The following AXDND1 variants were observed in gnomAD, a reference collection of about 807,000 sequenced individuals.
The protein encoded by AXDND1 is axonemal dynein light chain domain-containing protein 1.
A neutral mutation model predicts 137.5 loss-of-function variants in AXDND1; 110 were observed. The observed-to-expected ratio is 0.80, with a 90% CI of 0.69 to 0.94. The LOEUF is 0.94. Ranked by LOEUF, AXDND1 falls within the 40% of genes least tolerant of loss-of-function variation. AXDND1 has a pLI of 0.00. For synonymous variants in AXDND1, 414 were observed against 399.7 expected (o/e 1.04, Z -0.43); for missense variants, 1,191 against 1,169.8 (o/e 1.02, Z -0.26).
intron 18 of AXDND1, among the ~76,000 whole-genome samples, chr1:179,488,708 GTC>G (rs774512140): frequency 1.0e-5 from 1 of 95,780 alleles, no homozygotes; most frequent in Admixed American, 1.1e-4. Context: ...TCCTCTCTCT[GTC>G]TCTCTCTCTC....
chr1:179,509,543 A>G, intron 21 of AXDND1, 140 bp downstream of exon 21: 2 of 580,052 alleles, frequency 3.4e-6, no homozygotes, highest in Non-Finnish European at 6.0e-6. Context: ...TCTGATCAAG[A>G]TCTTTCACAG....
chr1:179,419,021 C>T (rs563800201), intron 12 of AXDND1, among the ~76,000 whole-genome samples: 12 of 151,454 alleles, frequency 7.9e-5, no homozygotes, highest in East Asian at 1.9e-4. Context: ...AGACGATGGG[C>T]GGCCGGACAG....
intron 7 of AXDND1, 45 bp from the exon 8 acceptor site, chr1:179,383,397 C>G: frequency 5.0e-6 from 7 of 1,408,224 alleles, no homozygotes; most frequent in Non-Finnish European, 7.0e-6. Flanking sequence ...TGAGAATTCC[C>G]TGTTGCAATG....
intron 25 of AXDND1, chr1:179,544,625 G>A (rs962246792): frequency 7.4e-6 from 1 of 135,190 alleles, no homozygotes. Context: ...AGTGAGCTCA[G>A]ATCGCGCCAC....
At chr1:179,552,401 G>A (rs1673419504) in intron 25 of AXDND1, 1 of 622,364 alleles carries the variant, frequency 1.6e-6, no homozygotes, top group Non-Finnish European at 2.9e-6. Context: ...ACTATTATCA[G>A]TAGCTTCAGA....
intron 3 of AXDND1, among the ~76,000 whole-genome samples, chr1:179,369,510 G>C (rs1481841626): frequency 6.6e-6 from 1 of 152,056 alleles, no homozygotes; most frequent in Admixed American, 6.6e-5. Flanking sequence ...AAATTAGCTG[G>C]GCATAGTGGC....
chr1:179,522,494 CAA>C lies in AXDND1; in HGVS notation c.2497-2839_2497-2838del, dbSNP rs140487735. Among the ~76,000 whole-genome samples the C allele has an allele frequency of 5.6e-3, 850 of 151,962 alleles. 7 individuals are homozygous for C. Among genetic ancestry groups the C allele is most frequent in the African/African-American group, 0.02 (817 of 41,472 alleles). On this transcript the variant is annotated intron_variant, in intron 21 of 25. Coordinates refer to ENST00000367618, the MANE Select transcript of AXDND1 (RefSeq NM_144696.6). ...TAGTATAATAGCAAAATACTAGAAA[CAA>C]TATGAATGTTGATCAGTAGGAGATT...
chr1:179,420,855 A>G (rs889165925), intron 12 of AXDND1, among the ~76,000 whole-genome samples: 3 of 152,012 alleles, frequency 2.0e-5, no homozygotes, highest in African/African-American at 7.2e-5. Flanking sequence ...TCCTGACCTC[A>G]AGTGATCTGC....
At chr1:179,414,720 C>T (rs573001236) in intron 12 of AXDND1, among the ~76,000 whole-genome samples, 345 of 152,212 alleles carry the variant, frequency 2.3e-3, no homozygotes, top group African/African-American at 7.7e-3. Context: ...CCACCGCGCC[C>T]GGCCAAATTA....
At chr1:179,545,308 G>A (rs1336903529) in intron 25 of AXDND1, 1 of 152,170 alleles carries the variant, frequency 6.6e-6, no homozygotes, top group Non-Finnish European at 1.5e-5. Flanking sequence ...TCTAGCCTCA[G>A]AAATCCCAAC....
intron 15 of AXDND1, among the ~76,000 whole-genome samples, chr1:179,440,489 C>G (rs1658832264): frequency 6.6e-6 from 1 of 152,220 alleles, no homozygotes; most frequent in South Asian, 2.1e-4. Flanking sequence ...TCATAGGTTA[C>G]AGCATTCTAC....
At chr1:179,432,772 C>T (rs2125318547) in intron 15 of AXDND1, among the ~76,000 whole-genome samples, 1 of 152,126 alleles carries the variant, frequency 6.6e-6, no homozygotes, top group Non-Finnish European at 1.5e-5. Context: ...GGCACGGTGG[C>T]TCACACCTGT....
At chr1:179,390,653 C>T (rs568846113) in intron 9 of AXDND1, among the ~76,000 whole-genome samples, 17 of 146,454 alleles carry the variant, frequency 1.2e-4, no homozygotes, top group East Asian at 4.1e-4. Flanking sequence ...TTTTGTTTTA[C>T]GTCTAACATA....
chr1:179,418,469 A>G (rs1269497664), intron 12 of AXDND1, among the ~76,000 whole-genome samples: 1 of 152,250 alleles, frequency 6.6e-6, no homozygotes, highest in African/African-American at 2.4e-5. Context: ...CAAAACCGCC[A>G]TTGTCATCAT....
chr1:179,518,447 T>A (rs1163248428), intron 21 of AXDND1, among the ~76,000 whole-genome samples: 1 of 151,502 alleles, frequency 6.6e-6, no homozygotes, highest in East Asian at 1.9e-4. Context: ...AAAGGTAAAC[T>A]TGTGTCATGG....
chr1:179,528,641 C>CTTTTTTT (rs34531104), intron 23 of AXDND1, among the ~76,000 whole-genome samples: 2 of 115,374 alleles, frequency 1.7e-5, no homozygotes, highest in Admixed American at 1.0e-4. Context: ...CTTTAAACCT[C>CTTTTTTT]TTTTTTTTTT....
chr1:179,475,967 A>C (rs1199456922), intron 17 of AXDND1, among the ~76,000 whole-genome samples: 1 of 152,134 alleles, frequency 6.6e-6, no homozygotes, highest in Non-Finnish European at 1.5e-5. Context: ...TTCTTATGCA[A>C]TATGATGGTT....
chr1:179,474,760 T>TA (rs1317698815), intron 17 of AXDND1, among the ~76,000 whole-genome samples: 2 of 152,064 alleles, frequency 1.3e-5, no homozygotes, highest in Non-Finnish European at 2.9e-5. Context: ...GGGGAGGAAA[T>TA]AAAGACAGCT....
At chr1:179,487,128 A>C (rs1012560564) in intron 18 of AXDND1, among the ~76,000 whole-genome samples, 1 of 148,790 alleles carries the variant, frequency 6.7e-6, no homozygotes, top group Non-Finnish European at 1.5e-5. Flanking sequence ...AGAAAAATCT[A>C]CCAAGCAAAT....
Sources: allele counts gnomAD v4.1 joint callset (sites outside exome capture counted in the v4.1 genomes callset), GRCh38; gene constraint gnomAD v4.1.1; transcripts MANE v1.5; gene names NCBI Gene and HGNC (gene_info 2026-07-23, HGNC 2026-07-21).